UNC5CL: variants seen among roughly 807,000 people sequenced by gnomAD.
The protein encoded by UNC5CL is unc-5 family C-terminal like.
Under a neutral mutation model 54.1 loss-of-function variants are expected in UNC5CL, and 42 were observed. The ratio of observed to expected loss-of-function variants is 0.78; its 90% CI spans 0.61 to 1.00. The LOEUF (loss-of-function observed/expected upper bound fraction) is 1.00, where lower values mean the gene tolerates loss of function less well. UNC5CL is among the 50% of genes least tolerant of loss of function. UNC5CL has a pLI of 0.00. For synonymous variants in UNC5CL, 285 were observed against 285.1 expected (o/e 1.00, Z 0.00); for missense variants, 619 against 675.6 (o/e 0.92, Z 0.93).
intron 1 of UNC5CL, among the ~76,000 whole-genome samples, chr6:41,037,886 C>T (rs1012116454): frequency 1.1e-4 from 16 of 152,364 alleles, no homozygotes; most frequent in African/African-American, 3.8e-4. Flanking sequence ...CTAACATTCG[C>T]AGAGCTTTAC....
chr6:41,030,767 CA>C lies in UNC5CL; in HGVS notation c.1120-13del, dbSNP rs552346261. The C allele has an allele frequency of 3.5e-3, 5,589 of 1,613,472 alleles. 75 individuals are homozygous for C. The highest frequency in any genetic ancestry group is 0.029 in the South Asian group (2,645 of 91,076). ...TTGGTCTCCAAGCCCTGAGTCAACA[CA>C]GGGCAGGGAACACACTTAGGGGTCA... On this transcript the variant is annotated splice_polypyrimidine_tract_variant and intron_variant, in intron 6 of 8. Transcript: ENST00000244565.
Position 41,032,945 on chromosome 6 carries a change from C to G in UNC5CL, c.888G>C (p.Gln296His). 6.2e-7 allele frequency: 1 copy of G among 1,605,188 alleles called. No individual in the cohort carries two copies. The highest frequency in any genetic ancestry group is 8.5e-7 in the Non-Finnish European group (1 of 1,175,824). ...PHGGRLRGPC[Q>H]LFDFNGARGD... ...CCCTAGCCCCATTGAAGTCGAAGAG[C>G]TGGCAGGGCCCACGCAGGCGCCCAC... The change falls in exon 4 of 9, where the codon CAG becomes CAC. Residue 296 changes from glutamine (Q) to histidine (H), a missense_variant. By Grantham distance (24) the Gln-to-His change is conservative (BLOSUM62 0). Coordinates refer to ENST00000244565, the MANE Select transcript of UNC5CL (RefSeq NM_173561.3).
rs754169177 is a variant in UNC5CL at position 41,034,073 on chromosome 6, G to A, written c.494C>T (p.Ala165Val). ...GAAGGAGGCCCCATGGGGGCCACAT[G>A]CCACCACAGGGCTTACCAGCCCCTG... ...QAQGLVSPVV[A>V]CGPHGASFLK... Residue 165 changes from alanine to valine, a missense_variant, in exon 3 of 9, where the codon GCA becomes GTA. Ala to Val is a moderately conservative substitution (Grantham distance 64, BLOSUM62 0). Transcript: ENST00000244565. 5.6e-6 allele frequency: 9 copies of A among 1,614,056 alleles called. No individual in the cohort carries two copies. The highest frequency in any genetic ancestry group is 1.7e-5 in the Admixed American group (1 of 60,000).
At chr6:41,034,645 C>T (rs772376673) in intron 2 of UNC5CL, 45 bp downstream of exon 2, 4 of 1,578,550 alleles carry the variant, frequency 2.5e-6, no homozygotes, top group Admixed American at 1.7e-5. Context: ...ACCTAATGTA[C>T]AGTCTGACCA....
chr6:41,030,545 G>C (rs1762442299), intron 7 of UNC5CL, 44 bp from the exon 8 acceptor site: 1 of 1,612,124 alleles, frequency 6.2e-7, no homozygotes, highest in Non-Finnish European at 8.5e-7. Flanking sequence ...GGGACAAACA[G>C]ACCCACTCTG....
rs1762445719 is a variant in UNC5CL, at chr6:41,030,755, C to A, written c.1120G>T (p.Gly374Cys). Residue 374 changes from glycine (G) to cysteine (C), a missense_variant and splice_region_variant, in exon 7 of 9, where the codon GGC becomes TGC. Coordinates refer to ENST00000244565, the MANE Select transcript of UNC5CL (RefSeq NM_173561.3). ...ATTTCCATATACTTGGTCTCCAAGC[C>A]CTGAGTCAACACAGGGCAGGGAACA... ...IIVTMHTFQD[G>C]LETKYMEILR... The A allele has an allele frequency of 6.2e-7, 1 of 1,613,926 alleles. No individual in the cohort carries two copies.
Position 41,028,069 on chromosome 6 carries a change from C to G in UNC5CL, c.*304G>C, listed in dbSNP as rs990799596. ...TGAATACTTTAGGGCCTGACCGGCC[C>G]TAAAGTGCACGCGGGGACCGTGGCC... is the stretch of plus-strand genomic sequence containing the variant. On this transcript the variant is annotated 3_prime_UTR_variant, in exon 9 of 9. Coordinates refer to ENST00000244565, the MANE Select transcript of UNC5CL (RefSeq NM_173561.3). This position sits in a 1 kb window ranked among gnomAD's most constrained non-coding sequence, Gnocchi z 4.3. The G allele has an allele frequency of 6.9e-6, 3 of 433,468 alleles. No individual in the cohort carries two copies. Among genetic ancestry groups the G allele is most frequent in the Non-Finnish European group, 8.3e-6 (2 of 241,924 alleles). The allele number at this position is 433,468 out of a possible 1,614,324, so 26.9% of individuals were successfully genotyped here. A position where few individuals can be genotyped will look rare whatever the true frequency, so the allele number is the denominator to read the frequency against.
At chr6:41,033,743 A>G in intron 3 of UNC5CL, 138 bp downstream of exon 3, 1 of 1,003,778 alleles carries the variant, frequency 1.0e-6, no homozygotes, top group South Asian at 1.7e-5. Flanking sequence ...GGGGCCAGAA[A>G]GAGACACCAG....
chr6:41,031,956 C>T, intron 5 of UNC5CL, 80 bp downstream of exon 5: 1 of 1,466,768 alleles, frequency 6.8e-7, no homozygotes, highest in Non-Finnish European at 9.5e-7. Flanking sequence ...CTGCAGAGCT[C>T]CAGGGTTACT....
At position 41,034,853 on chromosome 6, in the gene UNC5CL, T is replaced by G. The variant is rs1333992378; in HGVS notation, c.222A>C (p.Pro74=). ...VSRQHLPATL[P]EMVAFYQELH... is the part of the protein sequence containing the mutation. ...GCTCCTGGTAGAAGGCAACCATCTC[T>G]GGCAGTGTGGCTGGCAGGTGCTGCC... Residue 74 remains proline, a synonymous_variant, in exon 2 of 9, where the codon CCA becomes CCC. Coordinates refer to ENST00000244565, the MANE Select transcript of UNC5CL (RefSeq NM_173561.3). 6.2e-7 allele frequency: 1 copy of G among 1,614,262 alleles called. No homozygotes were observed. The highest frequency in any genetic ancestry group is 8.5e-7 in the Non-Finnish European group (1 of 1,180,048).
chr6:41,030,276 C>A, intron 8 of UNC5CL, 112 bp downstream of exon 8: 1 of 976,808 alleles, frequency 1.0e-6, no homozygotes, highest in South Asian at 1.4e-5. Flanking sequence ...AGTAGCCATT[C>A]TCTGACTTTT....
Position 41,033,988 on chromosome 6 carries a change from G to C in UNC5CL, c.579C>G (p.Thr193=), listed in dbSNP as rs749098677. The C allele has an allele frequency of 1.2e-6, 2 of 1,614,172 alleles. No individual in the cohort carries two copies. Among genetic ancestry groups the C allele is most frequent in the East Asian group, 4.5e-5 (2 of 44,874 alleles). ...HCAEQPSHAR[T]YSSNTTLLDA... ...CCAGCAGGGTAGTGTTGCTGCTGTA[G>C]GTGCGAGCATGGCTGGGCTGCTCGG... is the stretch of plus-strand genomic sequence containing the variant. Residue 193 remains threonine, a synonymous_variant, in exon 3 of 9, where the codon ACC becomes ACG. Transcript: ENST00000244565.
chr6:41,034,410 T>C (rs919685824), intron 2 of UNC5CL, among the ~76,000 whole-genome samples: 2 of 152,228 alleles, frequency 1.3e-5, no homozygotes, highest in African/African-American at 4.8e-5. Context: ...TAGCCCATAG[T>C]GTGCCTTGTG....
At position 41,034,134 on chromosome 6, in the gene UNC5CL, A is replaced by G. The variant is rs753930989; in HGVS notation, c.433T>C (p.Trp145Arg). 1.9e-6 allele frequency: 3 copies of G among 1,613,404 alleles called. No individual in the cohort carries two copies. The highest frequency in any genetic ancestry group is 2.5e-6 in the Non-Finnish European group (3 of 1,179,604). ...RQERVSLILV[W>R]DLSDAPSLSQ... ...AGCGATGGGGCGTCCGACAGGTCCC[A>G]CACCAGGATCAAAGACACCCGCTCC... Residue 145 changes from tryptophan (W) to arginine (R), a missense_variant, in exon 3 of 9, where the codon TGG becomes CGG. Coordinates refer to ENST00000244565, the MANE Select transcript of UNC5CL (RefSeq NM_173561.3).
At chr6:41,036,533 TG>T (rs1452127752) in intron 1 of UNC5CL, among the ~76,000 whole-genome samples, 2 of 152,250 alleles carry the variant, frequency 1.3e-5, no homozygotes, top group Non-Finnish European at 2.9e-5. Context: ...GTATTAACTT[TG>T]TAATTCTTTT....
intron 6 of UNC5CL, 118 bp from the exon 7 acceptor site, chr6:41,030,873 C>A: frequency 1.1e-6 from 1 of 877,128 alleles, no homozygotes; most frequent in Non-Finnish European, 1.8e-6. Flanking sequence ...CTCAGAGCCA[C>A]CTTACCAGGA....
chr6:41,032,771 A>G (rs982279016), intron 4 of UNC5CL, 113 bp downstream of exon 4: 74 of 1,420,666 alleles, frequency 5.2e-5, no homozygotes, highest in Admixed American at 4.0e-4. Context: ...GGGAAAAAAA[A>G]AGAGAGAGAG....
At position 41,034,774 on chromosome 6, in the gene UNC5CL, A is replaced by T; in HGVS notation, c.301T>A (p.Leu101Met). 1 of 1,613,996 alleles carries T rather than the reference A, an allele frequency of 6.2e-7. No individual in the cohort carries two copies. Residue 101 changes from leucine (L) to methionine (M), a missense_variant, in exon 2 of 9, where the codon TTG becomes ATG. Leu to Met is a conservative substitution (Grantham distance 15). Transcript: ENST00000244565. ...TCCACCTCTCGAGCCGAAAACACCA[A>T]CAGTTTGTGCATCAACTGGCGGACC... ...TMVRQLMHKL[L>M]VFSAREVDHR...
In UNC5CL at chr6:41,027,878, C is replaced by T. The variant is rs1468677414; in HGVS notation, c.*495G>A. On this transcript the variant is annotated 3_prime_UTR_variant, in exon 9 of 9. Coordinates refer to ENST00000244565, the MANE Select transcript of UNC5CL (RefSeq NM_173561.3). ...CAACTCCTAAAGCCACACCCACCTC[C>T]CCTAACCACAGGGCAGGGCTGTTTT... The T allele has an allele frequency of 4.5e-5, 7 of 153,944 alleles. No homozygotes were observed. Among genetic ancestry groups the T allele is most frequent in the Non-Finnish European group, 1.4e-5 (1 of 69,146 alleles). 9.5% of individuals were successfully genotyped at this position (153,944 alleles called of 1,614,324 possible).
Sources: allele counts gnomAD v4.1 joint callset (sites outside exome capture counted in the v4.1 genomes callset), GRCh38; gene constraint gnomAD v4.1.1; non-coding constraint Gnocchi (gnomAD v3.1); transcripts MANE v1.5; gene names NCBI Gene and HGNC (gene_info 2026-07-23, HGNC 2026-07-21).